GPHN: variants seen among roughly 807,000 people sequenced by gnomAD.
GPHN encodes gephyrin.
In GPHN, 17 loss-of-function variants were observed where a neutral mutation model predicts 95.5. The observed-to-expected ratio is 0.18, with a 90% CI of 0.12 to 0.27. The LOEUF (loss-of-function observed/expected upper bound fraction) is 0.27, where lower values mean the gene tolerates loss of function less well. GPHN is among the 10% of genes least tolerant of loss of function. The probability of loss-of-function intolerance (pLI) is 1.00; values close to 1 mark genes in which losing one functional copy is unlikely to be tolerated. For synonymous variants in GPHN, 320 were observed against 322.5 expected, an observed-to-expected ratio of 0.99 and a Z score of 0.08; for missense variants, 660 against 978.1, an observed-to-expected ratio of 0.67 and a Z score of 4.34.
chr14:67,045,997 A>T (rs933765553), intron 10 of GPHN, among the ~76,000 whole-genome samples: 3 of 152,132 alleles, frequency 2.0e-5, no homozygotes, highest in African/African-American at 7.2e-5. Flanking sequence ...CATAGATATT[A>T]CATATTAATA....
chr14:66,544,173 T>G (rs1289032478), intron 1 of GPHN, among the ~76,000 whole-genome samples: 5 of 152,214 alleles, frequency 3.3e-5, no homozygotes, highest in Non-Finnish European at 7.3e-5. Context: ...GCTTTCACCT[T>G]AGGATTTGTG....
At chr14:66,902,465 A>G (rs1329916427) in intron 5 of GPHN, among the ~76,000 whole-genome samples, 1 of 152,026 alleles carries the variant, frequency 6.6e-6, no homozygotes, top group Non-Finnish European at 1.5e-5. Context: ...AAAGGCGTTC[A>G]ATTTTTTTCC....
At chr14:67,395,530 A>G in the GPHN span, 2 of 1,614,192 alleles carry the variant, frequency 1.2e-6, no homozygotes, top group Non-Finnish European at 1.7e-6. Context: ...CCTCTCGAGA[A>G]CAGGCCTCCA....
intron 4 of GPHN, among the ~76,000 whole-genome samples, chr14:66,839,616 G>A (rs1439676943): frequency 6.6e-6 from 1 of 152,124 alleles, no homozygotes; most frequent in African/African-American, 2.4e-5. Flanking sequence ...CTATAATGGA[G>A]TCTTATTATA....
the GPHN span, chr14:67,678,383 C>T: frequency 7.4e-6 from 12 of 1,614,060 alleles, no homozygotes; most frequent in East Asian, 2.2e-4. Context: ...GCTATAGTCT[C>T]ATTACGAGCT....
At chr14:66,554,139 C>T (rs2059924425) in intron 1 of GPHN, among the ~76,000 whole-genome samples, 1 of 151,768 alleles carries the variant, frequency 6.6e-6, no homozygotes, top group African/African-American at 2.4e-5. Context: ...TTTTCTGAAC[C>T]TTCTGTGGGT....
intron 12 of GPHN, among the ~76,000 whole-genome samples, chr14:67,090,437 T>G (rs1406586888): frequency 6.6e-6 from 1 of 152,136 alleles, no homozygotes; most frequent in African/African-American, 2.4e-5. Flanking sequence ...AGAAAAATTA[T>G]TTGAAACATT....
intron 8 of GPHN, among the ~76,000 whole-genome samples, chr14:66,956,546 GT>G (rs2068518248): frequency 6.6e-6 from 1 of 151,836 alleles, no homozygotes; most frequent in Non-Finnish European, 1.5e-5. Context: ...TCCAGCACCT[GT>G]TGTTTCCTGA....
intron 4 of GPHN, among the ~76,000 whole-genome samples, chr14:66,869,718 G>C (rs2063359060): frequency 6.6e-6 from 1 of 152,206 alleles, no homozygotes; most frequent in Non-Finnish European, 1.5e-5. Context: ...TTGGAAAGTA[G>C]AAGCATAGAA....
intron 8 of GPHN, among the ~76,000 whole-genome samples, chr14:66,943,960 A>G (rs989420291): frequency 6.6e-6 from 1 of 152,206 alleles, no homozygotes; most frequent in Non-Finnish European, 1.5e-5. Context: ...TCCATGAAGA[A>G]AATAGAGGTC....
the GPHN span, among the ~76,000 whole-genome samples, chr14:67,567,243 C>T: frequency 2.6e-5 from 4 of 152,146 alleles, no homozygotes; most frequent in East Asian, 1.9e-4. Context: ...CTGGGGAGGG[C>T]GGTGGGGGAA....
At chr14:67,699,609 AAAAG>A in the GPHN span, among the ~76,000 whole-genome samples, 1 of 150,152 alleles carries the variant, frequency 6.7e-6, no homozygotes, top group Admixed American at 6.6e-5. Context: ...AAAAAAAAAA[AAAAG>A]AAACAGAGAG....
the GPHN span, chr14:67,317,355 G>A: frequency 2.8e-6 from 4 of 1,414,448 alleles, no homozygotes; most frequent in African/African-American, 1.4e-5. Flanking sequence ...TTTGAGTTAT[G>A]TGGTTTTGTT....
the GPHN span, among the ~76,000 whole-genome samples, chr14:67,542,692 T>C: frequency 6.6e-5 from 10 of 152,138 alleles, no homozygotes; most frequent in African/African-American, 1.9e-4. Context: ...TATTTTATTT[T>C]ATTTTATTTT....
At chr14:66,875,606 C>A (rs1272186113) in intron 4 of GPHN, among the ~76,000 whole-genome samples, 5 of 152,220 alleles carry the variant, frequency 3.3e-5, no homozygotes, top group Middle Eastern at 3.4e-3. Flanking sequence ...GGGTTGCAAT[C>A]CTAGTCTCTG....
intron 1 of GPHN, among the ~76,000 whole-genome samples, chr14:66,658,118 G>C (rs748873974): frequency 6.6e-6 from 1 of 152,088 alleles, no homozygotes; most frequent in Non-Finnish European, 1.5e-5. Flanking sequence ...GGATCAGTTC[G>C]AGGGGTTTAT....
the GPHN span, among the ~76,000 whole-genome samples, chr14:67,313,002 TTATACTA>T: frequency 2.4e-4 from 36 of 152,302 alleles, no homozygotes; most frequent in African/African-American, 7.5e-4. Context: ...ACAACTTGTA[TTATACTA>T]TATACTATAT....
the GPHN span, among the ~76,000 whole-genome samples, chr14:67,556,609 G>A: frequency 1.6e-4 from 24 of 152,306 alleles, no homozygotes; most frequent in Admixed American, 4.6e-4. Flanking sequence ...TAAGCCCAGC[G>A]GGGTGTGACG....
the GPHN span, chr14:67,189,366 G>C: frequency 6.6e-6 from 1 of 152,190 alleles, no homozygotes; most frequent in Non-Finnish European, 1.5e-5. Flanking sequence ...ATGTCAGCAC[G>C]TTATGATTAT....
Sources: gnomAD v4.1 joint callset for allele counts (sites outside exome capture counted in the v4.1 genomes callset) on GRCh38, gnomAD v4.1.1 for gene constraint, MANE v1.5 for transcripts, NCBI Gene and HGNC (gene_info 2026-07-23, HGNC 2026-07-21) for gene names.